Variants in PDE1C observed in about 807,000 individuals in gnomAD.
PDE1C encodes the protein phosphodiesterase 1C, also known as dual specificity calcium/calmodulin-dependent 3',5'-cyclic nucleotide phosphodiesterase 1C.
Under a neutral mutation model 93.1 loss-of-function variants are expected in PDE1C, and 62 were observed. The ratio of observed to expected loss-of-function variants is 0.67; its 90% CI spans 0.54 to 0.82. PDE1C has a LOEUF of 0.82. Among genes scored for constraint, PDE1C ranks in the 40% least tolerant of loss-of-function variants. PDE1C has a pLI of 0.00. For synonymous variants in PDE1C, 325 were observed against 310.1 expected (o/e 1.05, Z -0.50); for missense variants, 742 against 884.6 (o/e 0.84, Z 2.04).
At chr7:32,409,682 G>T (rs1439063095) in intron 1 of PDE1C, among the ~76,000 whole-genome samples, 1 of 151,950 alleles carries the variant, frequency 6.6e-6, no homozygotes, top group Non-Finnish European at 1.5e-5. Context: ...AGACTGAAAG[G>T]ACATTTGACA....
intron 1 of PDE1C, among the ~76,000 whole-genome samples, chr7:32,335,097 A>T (rs1783592244): frequency 1.3e-5 from 2 of 152,224 alleles, no homozygotes; most frequent in Non-Finnish European, 1.5e-5. Context: ...ACAAAGAATA[A>T]GCATCTGTTT....
At chr7:31,705,492 T>C in the PDE1C span, among the ~76,000 whole-genome samples, 147 of 152,324 alleles carry the variant, frequency 9.7e-4, no homozygotes, top group African/African-American at 3.4e-3. Flanking sequence ...CATAAGTGAT[T>C]TATGCAAAAG....
intron 9 of PDE1C, among the ~76,000 whole-genome samples, chr7:31,846,620 T>C (rs1792641007): frequency 6.6e-6 from 1 of 152,124 alleles, no homozygotes; most frequent in African/African-American, 2.4e-5. Flanking sequence ...ACAGCCAGAA[T>C]TGACAAATGG....
At chr7:31,970,396 C>T (rs1217313089) in intron 2 of PDE1C, among the ~76,000 whole-genome samples, 10 of 152,038 alleles carry the variant, frequency 6.6e-5, no homozygotes, top group East Asian at 1.9e-4. Context: ...AAGTCTCGGG[C>T]GGAGGGAGGA....
At chr7:32,105,918 A>G (rs550472156) in intron 3 of PDE1C, among the ~76,000 whole-genome samples, 4 of 152,160 alleles carry the variant, frequency 2.6e-5, no homozygotes, top group South Asian at 2.1e-4. Flanking sequence ...GCTTAACTAG[A>G]TAACAGAGAA....
the PDE1C span, chr7:31,652,817 T>A: frequency 1.2e-6 from 2 of 1,612,868 alleles, no homozygotes; most frequent in Admixed American, 1.7e-5. Context: ...AGGATGCAGA[T>A]GTCTTCCTCT....
At chr7:31,679,110 C>T in the PDE1C span, among the ~76,000 whole-genome samples, 29 of 152,256 alleles carry the variant, frequency 1.9e-4, no homozygotes, top group African/African-American at 6.7e-4. Context: ...GAGGCAGATC[C>T]TCTAACCTCG....
At chr7:32,061,547 C>G (rs1275775767) in intron 1 of PDE1C, among the ~76,000 whole-genome samples, 1 of 152,242 alleles carries the variant, frequency 6.6e-6, no homozygotes, top group African/African-American at 2.4e-5. Context: ...CTTCACTTGG[C>G]CCTTCTGCAG....
chr7:31,851,554 A>C (rs1793347915), intron 7 of PDE1C, among the ~76,000 whole-genome samples: 1 of 152,144 alleles, frequency 6.6e-6, no homozygotes, highest in Admixed American at 6.5e-5. Context: ...GCTTCTGTAA[A>C]CCATCCTGCC....
intron 3 of PDE1C, among the ~76,000 whole-genome samples, chr7:32,142,832 A>C (rs1302699634): frequency 2.6e-5 from 4 of 152,156 alleles, no homozygotes; most frequent in Admixed American, 6.5e-5. Context: ...TTTGTGTGTT[A>C]AGCCACTGAG....
intron 2 of PDE1C, among the ~76,000 whole-genome samples, chr7:31,924,936 T>C (rs1803154529): frequency 6.6e-6 from 1 of 152,208 alleles, no homozygotes; most frequent in Non-Finnish European, 1.5e-5. Flanking sequence ...AATTCTCAAA[T>C]ATATGGCTCA....
chr7:32,253,828 G>A (rs1809575403), intron 1 of PDE1C, among the ~76,000 whole-genome samples: 3 of 152,158 alleles, frequency 2.0e-5, no homozygotes, highest in Admixed American at 6.5e-5. Flanking sequence ...TAAGGTCAGA[G>A]GACAGAGATC....
At chr7:32,252,537 C>A (rs1382684518) in intron 1 of PDE1C, among the ~76,000 whole-genome samples, 1 of 152,140 alleles carries the variant, frequency 6.6e-6, no homozygotes, top group Non-Finnish European at 1.5e-5. Context: ...AAATCCACAG[C>A]AAGGGCAGGC....
chr7:32,160,193 G>A (rs1801825107), intron 3 of PDE1C, among the ~76,000 whole-genome samples: 1 of 152,038 alleles, frequency 6.6e-6, no homozygotes, highest in Non-Finnish European at 1.5e-5. Context: ...GGTGCCAGAG[G>A]GGACTTCTGA....
intron 2 of PDE1C, among the ~76,000 whole-genome samples, chr7:31,940,855 C>T (rs1255012328): frequency 1.3e-5 from 2 of 152,068 alleles, no homozygotes; most frequent in Non-Finnish European, 2.9e-5. Flanking sequence ...TCCACACACA[C>T]AGACCCTTCA....
the PDE1C span, chr7:31,695,644 C>T: frequency 6.2e-7 from 1 of 1,603,766 alleles, no homozygotes; most frequent in Non-Finnish European, 8.5e-7. Context: ...GTCATCTGCA[C>T]AGCTGTAAAG....
At position 32,082,143 on chromosome 7, in the gene PDE1C, C is replaced by T. The variant is rs544377029; in HGVS notation, c.308+87642G>A. On this transcript the variant is annotated intron_variant, in intron 3 of 18. Coordinates refer to the PDE1C transcript ENST00000396193. ...GGGTGACAGACGGCACCTGGAAAATCGGGTCACTCCCACCCTAATAATGCG... is the reference window on the plus strand; with the variant it reads ...GGGTGACAGACGGCACCTGGAAAATTGGGTCACTCCCACCCTAATAATGCG... 1.6e-4 allele frequency among the ~76,000 whole-genome samples: 25 copies of T among 152,368 alleles called. No homozygotes were observed. The East Asian group carries it at 4.2e-3, about 26-fold the overall frequency.
intron 12 of PDE1C, among the ~76,000 whole-genome samples, chr7:31,825,921 G>A (rs1789598474): frequency 6.6e-6 from 1 of 152,156 alleles, no homozygotes; most frequent in Admixed American, 6.6e-5. Context: ...CATCTAGATG[G>A]GAGAGGGCAA....
intron 9 of PDE1C, among the ~76,000 whole-genome samples, chr7:31,841,464 T>G (rs1194333518): frequency 6.6e-6 from 1 of 152,084 alleles, no homozygotes; most frequent in Non-Finnish European, 1.5e-5. Flanking sequence ...GGAAAAAACA[T>G]TCAATATTTC....
Sources: allele counts gnomAD v4.1 joint callset (sites outside exome capture counted in the v4.1 genomes callset), GRCh38; gene constraint gnomAD v4.1.1; transcripts MANE v1.5; gene names NCBI Gene and HGNC (gene_info 2026-07-23, HGNC 2026-07-21).